The following DLG2 variants were observed in gnomAD, a reference collection of about 807,000 sequenced individuals.
DLG2 encodes the protein discs large MAGUK scaffold protein 2, also known as disks large homolog 2.
In DLG2, 45 loss-of-function variants were observed where a neutral mutation model predicts 132.5. The ratio of observed to expected loss-of-function variants is 0.34; its 90% CI spans 0.27 to 0.44. The LOEUF is 0.44. Among genes scored for constraint, DLG2 ranks in the 20% least tolerant of loss-of-function variants. The pLI, the probability that DLG2 is intolerant of heterozygous loss-of-function variation, is 1.00. For synonymous variants in DLG2, 424 were observed against 419.6 expected, an observed-to-expected ratio of 1.01 and a Z score of -0.13; for missense variants, 1,045 against 1,196.9, an observed-to-expected ratio of 0.87 and a Z score of 1.87.
chr11:85,241,063 T>C (rs1483155824), intron 4 of DLG2, among the ~76,000 whole-genome samples: 1 of 151,780 alleles, frequency 6.6e-6, no homozygotes, highest in African/African-American at 2.4e-5. Flanking sequence ...ATTTAGATAT[T>C]ATTAATGCTT....
intron 6 of DLG2, among the ~76,000 whole-genome samples, chr11:84,610,330 A>G (rs1028747808): frequency 6.6e-6 from 1 of 152,154 alleles, no homozygotes; most frequent in African/African-American, 2.4e-5. Flanking sequence ...CAGGTAACAA[A>G]TATTTTTTAA....
At position 85,524,090 on chromosome 11, in the gene DLG2, G is replaced by A. The variant is rs139797111; in HGVS notation, c.40+74567C>T. 6.1e-3 allele frequency among the ~76,000 whole-genome samples: 926 copies of A among 152,262 alleles called. 5 individuals are homozygous for A. The highest frequency in any genetic ancestry group is 0.014 in the Admixed American group (209 of 15,278). ...CAATGGTTACCAGAAGCTGGGAAGG[G>A]TAGTGAAGTGTTGGGAGGGATTAAA... is the stretch of plus-strand genomic sequence containing the variant. On this transcript the variant is annotated intron_variant, in intron 3 of 27. Transcript: ENST00000376104.
intron 21 of DLG2, among the ~76,000 whole-genome samples, chr11:83,495,981 A>G (rs1046285051): frequency 3.3e-5 from 5 of 152,146 alleles, no homozygotes; most frequent in African/African-American, 1.2e-4. Flanking sequence ...GTTAAACTGG[A>G]CTTCAGCCCA....
At chr11:84,630,003 T>C (rs983170415) in intron 6 of DLG2, among the ~76,000 whole-genome samples, 5 of 152,218 alleles carry the variant, frequency 3.3e-5, no homozygotes, top group African/African-American at 7.2e-5. Context: ...CAGGCAGTTG[T>C]TGACTCTTAG....
intron 8 of DLG2, among the ~76,000 whole-genome samples, chr11:84,208,854 G>C (rs1049616774): frequency 1.3e-5 from 2 of 152,148 alleles, no homozygotes; most frequent in African/African-American, 2.4e-5. Context: ...GTGGATGGTA[G>C]AAAGTGGGAG....
intron 8 of DLG2, among the ~76,000 whole-genome samples, chr11:84,186,405 A>G (rs2096277276): frequency 6.6e-6 from 1 of 152,028 alleles, no homozygotes; most frequent in Non-Finnish European, 1.5e-5. Flanking sequence ...GGCTATACTG[A>G]TATTAGACAA....
chr11:83,540,911 T>C (rs569456518), intron 20 of DLG2, among the ~76,000 whole-genome samples: 3 of 152,100 alleles, frequency 2.0e-5, no homozygotes, highest in Non-Finnish European at 2.9e-5. Flanking sequence ...AAAGGGACAT[T>C]TGTGAGAAGG....
intron 7 of DLG2, among the ~76,000 whole-genome samples, chr11:84,360,685 G>C (rs1304647320): frequency 6.6e-6 from 1 of 151,854 alleles, no homozygotes; most frequent in Non-Finnish European, 1.5e-5. Context: ...CAGAATACCA[G>C]GGTTGAAGGA....
chr11:85,582,661 A>C (rs1251502324), intron 3 of DLG2, among the ~76,000 whole-genome samples: 4 of 39,718 alleles, frequency 1.0e-4, no homozygotes, highest in African/African-American at 3.6e-4. Flanking sequence ...CCATCTCTAC[A>C]AAAAAAAAAA....
At chr11:83,559,331 T>C (rs1006166440) in intron 19 of DLG2, among the ~76,000 whole-genome samples, 3 of 152,158 alleles carry the variant, frequency 2.0e-5, no homozygotes, top group Admixed American at 2.0e-4. Flanking sequence ...TCATTCTCCA[T>C]GTGAAGGGAG....
chr11:84,731,448 T>G (rs2063141452), intron 6 of DLG2, among the ~76,000 whole-genome samples: 1 of 151,916 alleles, frequency 6.6e-6, no homozygotes, highest in Admixed American at 6.6e-5. Flanking sequence ...GAATCTCATC[T>G]AAAAATGGAG....
intron 6 of DLG2, among the ~76,000 whole-genome samples, chr11:85,076,438 T>C (rs147958046): frequency 2.0e-4 from 30 of 152,142 alleles, no homozygotes; most frequent in African/African-American, 7.2e-4. Context: ...CTAAACTTTA[T>C]TCATCCACCT....
At chr11:83,948,446 ACTCC>A (rs1173828554) in intron 14 of DLG2, among the ~76,000 whole-genome samples, 1 of 152,024 alleles carries the variant, frequency 6.6e-6, no homozygotes, top group African/African-American at 2.4e-5. Context: ...CCCACCCAGC[ACTCC>A]ATGGAAGTTG....
chr11:83,846,684 G>A (rs1452785512), intron 16 of DLG2, among the ~76,000 whole-genome samples: 1 of 151,986 alleles, frequency 6.6e-6, no homozygotes, highest in Non-Finnish European at 1.5e-5. Flanking sequence ...AACAACCTTG[G>A]TAAATGGAAT....
intron 15 of DLG2, among the ~76,000 whole-genome samples, chr11:83,882,597 C>T (rs142063301): frequency 7.7e-4 from 117 of 152,184 alleles, no homozygotes; most frequent in African/African-American, 2.7e-3. Context: ...GGGAGAAATA[C>T]CATTTTTTTC....
chr11:83,862,678 G>A (rs187273042), intron 16 of DLG2, among the ~76,000 whole-genome samples: 18 of 152,168 alleles, frequency 1.2e-4, no homozygotes, highest in Non-Finnish European at 5.9e-5. Flanking sequence ...AAAAAGAGTG[G>A]TGGCAGCAGC....
chr11:84,609,245 C>T lies in DLG2; in HGVS notation c.358-74514G>A, dbSNP rs147000051. On this transcript the variant is annotated intron_variant, in intron 6 of 27. Coordinates refer to ENST00000376104, the MANE Select transcript of DLG2 (RefSeq NM_001142699.3). ...TAAGTTAGTTAACCTCTCTGTGCTT[C>T]GGTTTTCTTATCTATATATTGGGTG... is the stretch of plus-strand genomic sequence containing the variant. 2.1e-4 allele frequency among the ~76,000 whole-genome samples: 32 copies of T among 152,100 alleles called. No individual in the cohort carries two copies. The East Asian group carries it at 4.1e-3, about 19-fold the overall frequency.
chr11:85,218,945 T>C (rs1217029929), intron 4 of DLG2, among the ~76,000 whole-genome samples: 1 of 152,208 alleles, frequency 6.6e-6, no homozygotes, highest in Non-Finnish European at 1.5e-5. Flanking sequence ...GCCATAGTCC[T>C]AAGCAAATTA....
At chr11:84,842,705 G>A (rs1338478875) in intron 6 of DLG2, among the ~76,000 whole-genome samples, 2 of 151,720 alleles carry the variant, frequency 1.3e-5, no homozygotes, top group South Asian at 2.1e-4. Flanking sequence ...AATGGTTCCC[G>A]AGATTTTGCA....
Sources: allele counts gnomAD v4.1 joint callset (sites outside exome capture counted in the v4.1 genomes callset), GRCh38; gene constraint gnomAD v4.1.1; transcripts MANE v1.5; gene names NCBI Gene and HGNC (gene_info 2026-07-23, HGNC 2026-07-21).